The following RGS5 variants were observed in gnomAD, a reference collection of about 807,000 sequenced individuals.
RGS5 encodes regulator of G-protein signalling 5.
A neutral mutation model predicts 18.9 loss-of-function variants in RGS5; 20 were observed. The ratio of observed to expected loss-of-function variants is 1.06; its 90% CI spans 0.74 to 1.54. The LOEUF is 1.54. RGS5 is among the 40% of genes most tolerant of loss of function. The pLI is 0.00. For missense variants in RGS5, 201 were observed against 211.8 expected (o/e 0.95, Z 0.32); for synonymous variants, 57 against 76.2 (o/e 0.75, Z 1.31).
chr1:163,197,508 A>G (rs938327868), intron 1 of RGS5, among the ~76,000 whole-genome samples: 4 of 152,040 alleles, frequency 2.6e-5, no homozygotes, highest in African/African-American at 7.2e-5. Context: ...TTTCTTATTT[A>G]TCTCCCTAAC....
At chr1:163,303,998 C>A (rs556877075) in intron 2 of RGS5, among the ~76,000 whole-genome samples, 4 of 152,146 alleles carry the variant, frequency 2.6e-5, no homozygotes, top group Admixed American at 2.0e-4. Flanking sequence ...GAAAAACTGT[C>A]TTCCAAAAAT....
chr1:163,208,256 G>A (rs1338599288), intron 1 of RGS5, among the ~76,000 whole-genome samples: 1 of 57,450 alleles, frequency 1.7e-5, no homozygotes, highest in Non-Finnish European at 3.1e-5. Flanking sequence ...GCTGAGGCAG[G>A]AGAATGGCGT....
chr1:163,221,512 CAATCAATCAATA>C (rs1337837216), upstream of RGS5, among the ~76,000 whole-genome samples: 1 of 147,510 alleles, frequency 6.8e-6, no homozygotes, highest in African/African-American at 2.5e-5. Context: ...ATCAATCAAT[CAATCAATCAATA>C]AAATCTCCAT....
At chr1:163,234,384 T>C (rs992647415) in intron 2 of RGS5, among the ~76,000 whole-genome samples, 2 of 152,192 alleles carry the variant, frequency 1.3e-5, no homozygotes, top group African/African-American at 4.8e-5. Flanking sequence ...TATTTTCCAT[T>C]TTATATATTG....
chr1:163,217,636 T>A (rs1301823406), exon 1 of RGS5: 1 of 1,530,910 alleles, frequency 6.5e-7, no homozygotes, highest in African/African-American at 1.4e-5. Context: ...CAGACACTTC[T>A]TTCCTGGGCT....
chr1:163,221,488 A>AAATCAATCAATC (rs531668371), upstream of RGS5, among the ~76,000 whole-genome samples: 1 of 147,486 alleles, frequency 6.8e-6, no homozygotes, highest in Non-Finnish European at 1.5e-5. Flanking sequence ...TACATCTCAA[A>AAATCAATCAATC]AATCAATCAA....
In RGS5 at chr1:163,152,616, A is replaced by G. The variant is rs1557879992; in HGVS notation, c.318T>C (p.Pro106=). 6.2e-7 allele frequency: 1 copy of G among 1,613,014 alleles called. No homozygotes were observed. The highest frequency in any genetic ancestry group is 8.5e-7 in the Non-Finnish European group (1 of 1,179,362). Residue 106 remains proline, a synonymous_variant, in exon 4 of 5, where the codon CCT becomes CCC. Coordinates refer to ENST00000313961, the MANE Select transcript of RGS5 (RefSeq NM_003617.4). ...ACEDYKKIKS[P]AKMAEKAKQI... ...GCTTTGCCTTCTCAGCCATCTTGGC[A>G]GGGGACTTGATCTTCTTGTAATCCT... is the stretch of plus-strand genomic sequence containing the variant.
chr1:163,207,888 T>C (rs1048801706), upstream of RGS5, among the ~76,000 whole-genome samples: 1 of 151,878 alleles, frequency 6.6e-6, no homozygotes, highest in Admixed American at 6.6e-5. Flanking sequence ...AATCTTAATC[T>C]TCCTACATAC....
At chr1:163,234,177 C>T (rs1246320844) in intron 2 of RGS5, among the ~76,000 whole-genome samples, 1 of 152,152 alleles carries the variant, frequency 6.6e-6, no homozygotes, top group African/African-American at 2.4e-5. Flanking sequence ...AGAGAGAATG[C>T]ATTCTATTAG....
intron 2 of RGS5, among the ~76,000 whole-genome samples, chr1:163,226,892 T>C (rs1647348868): frequency 6.6e-6 from 1 of 152,218 alleles, no homozygotes; most frequent in Non-Finnish European, 1.5e-5. Flanking sequence ...TCTCATCCAC[T>C]TCAGTTTTTA....
chr1:163,313,104 A>G (rs1489434156), intron 1 of RGS5, among the ~76,000 whole-genome samples: 2 of 152,244 alleles, frequency 1.3e-5, no homozygotes, highest in African/African-American at 2.4e-5. Flanking sequence ...ATAAACAGTG[A>G]CTTCAGATAA....
chr1:163,169,379 G>C (rs962160853), intron 1 of RGS5, among the ~76,000 whole-genome samples: 1 of 152,166 alleles, frequency 6.6e-6, no homozygotes, highest in Non-Finnish European at 1.5e-5. Context: ...TATATACCCA[G>C]TAATAGGATG....
At chr1:163,271,959 T>C (rs1648729665) in intron 2 of RGS5, among the ~76,000 whole-genome samples, 1 of 152,196 alleles carries the variant, frequency 6.6e-6, no homozygotes, top group African/African-American at 2.4e-5. Context: ...ATGCTTTGTA[T>C]TGTCTTATTT....
intron 1 of RGS5, among the ~76,000 whole-genome samples, chr1:163,190,679 G>A (rs139544754): frequency 6.6e-6 from 1 of 152,316 alleles, no homozygotes; most frequent in African/African-American, 2.4e-5. Context: ...CATCCTGTTG[G>A]AAGGCTGTCA....
intron 1 of RGS5, among the ~76,000 whole-genome samples, chr1:163,184,655 A>G (rs1658996122): frequency 6.6e-6 from 1 of 152,202 alleles, no homozygotes; most frequent in Admixed American, 6.5e-5. Flanking sequence ...GAATCCTTGT[A>G]AGAAGAAGGC....
At chr1:163,309,959 A>G (rs543086549) in intron 1 of RGS5, among the ~76,000 whole-genome samples, 2 of 152,330 alleles carry the variant, frequency 1.3e-5, no homozygotes, top group African/African-American at 2.4e-5. Context: ...GTAAATCTCA[A>G]TCAGGGCTCT....
At chr1:163,225,010 T>A (rs1647303303) in intron 2 of RGS5, among the ~76,000 whole-genome samples, 1 of 152,224 alleles carries the variant, frequency 6.6e-6, no homozygotes, top group Admixed American at 6.5e-5. Context: ...CTTTCTTTGC[T>A]GTGCAGAAGC....
At chr1:163,278,584 A>C (rs1007491524) in intron 2 of RGS5, among the ~76,000 whole-genome samples, 3 of 152,144 alleles carry the variant, frequency 2.0e-5, no homozygotes, top group Non-Finnish European at 4.4e-5. Context: ...GTAAAAAATC[A>C]AATGTTATCA....
intron 2 of RGS5, among the ~76,000 whole-genome samples, chr1:163,294,263 C>T (rs1464970600): frequency 6.6e-6 from 1 of 152,208 alleles, no homozygotes; most frequent in East Asian, 1.9e-4. Flanking sequence ...TCAGGATATC[C>T]AGGTGTTTCC....
Sources: allele counts gnomAD v4.1 joint callset (sites outside exome capture counted in the v4.1 genomes callset), GRCh38; gene constraint gnomAD v4.1.1; transcripts MANE v1.5; gene names NCBI Gene and HGNC (gene_info 2026-07-23, HGNC 2026-07-21).